The following GRK2 variants were observed in gnomAD, a reference collection of about 807,000 sequenced individuals.
The protein encoded by GRK2 is adrenergic beta receptor kinase 1.
A neutral mutation model predicts 97.8 loss-of-function variants in GRK2; 23 were observed. The ratio of observed to expected loss-of-function variants is 0.24; its 90% CI spans 0.17 to 0.33. The LOEUF (loss-of-function observed/expected upper bound fraction) is 0.33. GRK2 is among the 10% of genes least tolerant of loss of function. The pLI is 1.00. For missense variants in GRK2, 633 were observed against 956.9 expected, an observed-to-expected ratio of 0.66 and a Z score of 4.47; for synonymous variants, 425 against 381.7, an observed-to-expected ratio of 1.11 and a Z score of -1.32.
intron 1 of GRK2, among the ~76,000 whole-genome samples, chr11:67,273,028 C>T (rs947884391): frequency 4.6e-5 from 7 of 152,240 alleles, no homozygotes; most frequent in East Asian, 1.9e-4. Context: ...AGGCGGGGCA[C>T]GGCGGGCAGC....
chr11:67,284,517 G>A, intron 18 of GRK2, 144 bp downstream of exon 18: 1 of 990,422 alleles, frequency 1.0e-6, no homozygotes, highest in Non-Finnish European at 1.5e-6. Context: ...GGGCATGGTG[G>A]CTCACGCCTG....
chr11:67,283,216 G>A lies in GRK2; in HGVS notation c.1316G>A (p.Cys439Tyr). The change falls in exon 15 of 21, where the codon TGC becomes TAC. Residue 439 changes from cysteine to tyrosine, a missense_variant. Transcript: ENST00000308595. ...AGGGATGTCAACCGGAGATTGGGCT[G>A]CCTGGGCCGAGGGTGAGTACCCTGG... ...LQRDVNRRLG[C>Y]LGRGAQEVKE... The A allele has an allele frequency of 6.2e-7, 1 of 1,613,918 alleles. No individual in the cohort carries two copies. Among genetic ancestry groups the A allele is most frequent in the Non-Finnish European group, 8.5e-7 (1 of 1,179,952 alleles).
At chr11:67,271,830 A>G (rs540068518) in intron 1 of GRK2, among the ~76,000 whole-genome samples, 16 of 152,078 alleles carry the variant, frequency 1.1e-4, no homozygotes, top group Admixed American at 3.9e-4. Context: ...CCCCAGGGAG[A>G]GTCATTGAGA....
intron 1 of GRK2, among the ~76,000 whole-genome samples, chr11:67,274,902 A>C (rs1474655413): frequency 1.3e-5 from 2 of 152,116 alleles, no homozygotes; most frequent in Non-Finnish European, 2.9e-5. Flanking sequence ...AGCTCCTGTC[A>C]GTTCTCAGAG....
In GRK2 at chr11:67,282,096, C is replaced by T. The variant is rs964280464; in HGVS notation, c.957+144C>T. 4.7e-6 allele frequency: 6 copies of T among 1,273,908 alleles called. No homozygotes were observed. In the East Asian group the frequency reaches 7.2e-5, roughly 15 times the overall value. 78.9% of individuals were successfully genotyped at this position (1,273,908 alleles called of 1,614,324 possible). A position where few individuals can be genotyped will look rare whatever the true frequency, so the allele number is the denominator to read the frequency against. On this transcript the variant is annotated intron_variant, in intron 11 of 20. Coordinates refer to ENST00000308595, the MANE Select transcript of GRK2 (RefSeq NM_001619.5). This position sits in a 1 kb window ranked among gnomAD's most constrained non-coding sequence, Gnocchi z 6.9. ...CCCATCTCCGCCCCTGCCCTTCCCA[C>T]CGAGCCACTCTCTGGGTCCAGGTTG...
intron 1 of GRK2, among the ~76,000 whole-genome samples, chr11:67,273,845 A>G (rs2136492689): frequency 6.6e-6 from 1 of 152,118 alleles, no homozygotes; most frequent in East Asian, 1.9e-4. Flanking sequence ...GGCTGACAGC[A>G]GAGCCCCTGG....
chr11:67,283,755 G>C lies in GRK2; in HGVS notation c.1377G>C (p.Gln459His). Residue 459 changes from glutamine to histidine, a missense_variant, in exon 16 of 21, where the codon CAG (glutamine) becomes CAC (histidine). Gln to His is a conservative substitution (Grantham distance 24, BLOSUM62 0). Coordinates refer to ENST00000308595, the MANE Select transcript of GRK2 (RefSeq NM_001619.5). The part of the protein sequence containing the change: ...ESPFFRSLDW[Q>H]MVFLQKYPPP... ...CCTTTTTCCGCTCCCTGGACTGGCA[G>C]ATGGTCTTCTTGCAGAAGGTAACAG... 6.2e-7 allele frequency: 1 copy of C among 1,613,756 alleles called. No homozygotes were observed. Among genetic ancestry groups the C allele is most frequent in the Non-Finnish European group, 8.5e-7 (1 of 1,180,012 alleles).
Position 67,281,834 on chromosome 11 carries a change from A to G in GRK2, c.839A>G (p.His280Arg). 6.2e-7 allele frequency: 1 copy of G among 1,613,570 alleles called. No homozygotes were observed. The highest frequency in any genetic ancestry group is 8.5e-7 in the Non-Finnish European group (1 of 1,179,954). ...ILDLMNGGDLHYHLSQHGVFS... is the reference protein window; with the variant it reads ...ILDLMNGGDLRYHLSQHGVFS... The stretch of plus-strand genomic sequence containing the variant: ...CTGCCTCCCTCAGGTGGGGACCTGC[A>G]CTACCACCTCTCCCAGCACGGGGTC... Residue 280 changes from histidine to arginine, a missense_variant, in exon 11 of 21, where the codon CAC becomes CGC. Coordinates refer to ENST00000308595, the MANE Select transcript of GRK2 (RefSeq NM_001619.5). The surrounding 1 kb of genome is among the most constrained non-coding windows in gnomAD (Gnocchi z 5.7).
rs1177480131 is a variant in GRK2 at position 67,276,371 on chromosome 11, C to T, written c.114-901C>T. On this transcript the variant is annotated intron_variant, in intron 1 of 20. Coordinates refer to ENST00000308595, the MANE Select transcript of GRK2 (RefSeq NM_001619.5). The surrounding 1 kb of genome is among the most constrained non-coding windows in gnomAD (Gnocchi z 4.2). ...GGGACAGTAAGGTGGTATTTGAGGC[C>T]GGGAGTGTAGCCTGGTGTGGCGCTC... Among the ~76,000 whole-genome samples the T allele has an allele frequency of 2.0e-5, 3 of 151,952 alleles. No homozygotes were observed. Among genetic ancestry groups the T allele is most frequent in the African/African-American group, 4.8e-5 (2 of 41,336 alleles).
At chr11:67,267,216 C>T (rs540862442) in intron 1 of GRK2, among the ~76,000 whole-genome samples, 1 of 152,236 alleles carries the variant, frequency 6.6e-6, no homozygotes, top group Non-Finnish European at 1.5e-5. Flanking sequence ...CTGTGGGGTC[C>T]CCTCCCCTCC....
At position 67,279,793 on chromosome 11, in the gene GRK2, A is replaced by G. The variant is rs527349849; in HGVS notation, c.442-46A>G. 22 of 1,613,110 alleles carry G rather than the reference A, an allele frequency of 1.4e-5. No individual in the cohort carries two copies. In the South Asian group the frequency reaches 1.4e-4, roughly 10 times the overall value. ...AGCCAGGGGTGGGGCCTGGGCAACC[A>G]CGGTCTCTCGGGGCTCAGTCACCAA... On this transcript the variant is annotated intron_variant, in intron 5 of 20. Coordinates refer to ENST00000308595, the MANE Select transcript of GRK2 (RefSeq NM_001619.5).
chr11:67,270,902 G>T lies in GRK2; in HGVS notation c.113+4090G>T, dbSNP rs571258886. 2.6e-5 allele frequency: 4 copies of T among 152,358 alleles called. 1 individual carries two copies. In the South Asian group the frequency reaches 8.3e-4, roughly 32 times the overall value. The allele number at this position is 152,358 out of a possible 1,614,324, so 9.4% of individuals were successfully genotyped here. On this transcript the variant is annotated intron_variant, in intron 1 of 20. Transcript: ENST00000308595. Reference sequence around the variant, plus strand: ...ACCTGGGCTGTTAACCCAGAATGAGGTGTCCTATTAATGCACAATCAATTC... The same window carrying T: ...ACCTGGGCTGTTAACCCAGAATGAGTTGTCCTATTAATGCACAATCAATTC...
At chr11:67,272,911 G>A (rs547752357) in intron 1 of GRK2, among the ~76,000 whole-genome samples, 1 of 152,394 alleles carries the variant, frequency 6.6e-6, no homozygotes, top group African/African-American at 2.4e-5. Flanking sequence ...CAAATGTGGA[G>A]CAGAGGCTTG....
chr11:67,280,297 G>A (rs1289931373), intron 6 of GRK2: 9 of 375,154 alleles, frequency 2.4e-5, no homozygotes, highest in African/African-American at 4.1e-5. Flanking sequence ...GAGTTGGCGC[G>A]GTGGGTGGGA....
intron 1 of GRK2, among the ~76,000 whole-genome samples, chr11:67,270,159 A>G (rs1859876306): frequency 6.6e-6 from 1 of 151,980 alleles, no homozygotes; most frequent in Admixed American, 6.5e-5. Flanking sequence ...CCCTGAAGGA[A>G]CTGCTGTCTC....
intron 1 of GRK2, among the ~76,000 whole-genome samples, chr11:67,274,009 CTTT>C (rs1186824487): frequency 7.9e-6 from 1 of 126,758 alleles, no homozygotes; most frequent in Non-Finnish European, 1.7e-5. Context: ...AAACTGGCAC[CTTT>C]TTTTTTTTTT....
Position 67,285,630 on chromosome 11 carries a change from C to T in GRK2, c.*180C>T, listed in dbSNP as rs1411103076. On this transcript the variant is annotated 3_prime_UTR_variant, in exon 21 of 21. Transcript: ENST00000308595. ...GGCTCCTGCTGCACCAACCCAGCCG[C>T]TGCCCGGCGCCCTCTGTCCTGACTT... 4 of 744,958 alleles carry T rather than the reference C, an allele frequency of 5.4e-6. No individual in the cohort carries two copies. The highest frequency in any genetic ancestry group is 1.8e-5 in the African/African-American group (1 of 55,696). 46.1% of individuals were successfully genotyped at this position (744,958 alleles called of 1,614,324 possible).
At position 67,283,863 on chromosome 11, in the gene GRK2, C is replaced by T. The variant is rs754212842; in HGVS notation, c.1405C>T (p.Pro469Ser). 1.2e-6 allele frequency: 2 copies of T among 1,613,118 alleles called. No homozygotes were observed. Among genetic ancestry groups the T allele is most frequent in the Non-Finnish European group, 1.7e-6 (2 of 1,179,790 alleles). The change falls in exon 17 of 21, where the codon CCG becomes TCG. Residue 469 changes from proline (P) to serine (S), a missense_variant. By Grantham distance (74) the Pro-to-Ser change is moderately conservative. Transcript: ENST00000308595. ...CCCTGTTCTGCTGCAGTACCCTCCC[C>T]CGCTGATCCCCCCACGAGGGGAGGT... ...QMVFLQKYPP[P>S]LIPPRGEVNA... is the part of the protein sequence containing the mutation.
chr11:67,275,475 C>A (rs551739900), intron 1 of GRK2, among the ~76,000 whole-genome samples: 14 of 151,944 alleles, frequency 9.2e-5, no homozygotes, highest in Non-Finnish European at 1.9e-4. Flanking sequence ...CTCCCACCCA[C>A]CCCCTTCCCC....
Sources: gnomAD v4.1 joint callset for allele counts (sites outside exome capture counted in the v4.1 genomes callset) on GRCh38, gnomAD v4.1.1 for gene constraint, Gnocchi (gnomAD v3.1) non-coding constraint, MANE v1.5 for transcripts, NCBI Gene and HGNC (gene_info 2026-07-23, HGNC 2026-07-21) for gene names.